The following GALNTL6 variants were observed in gnomAD, a reference collection of about 807,000 sequenced individuals.
The protein encoded by GALNTL6 is polypeptide N-acetylgalactosaminyltransferase-like 6.
Under a neutral mutation model 73.7 loss-of-function variants are expected in GALNTL6, and 46 were observed. The ratio of observed to expected loss-of-function variants is 0.62; its 90% CI spans 0.49 to 0.80. The LOEUF is 0.80. Ranked by LOEUF, GALNTL6 falls within the 30% of genes least tolerant of loss-of-function variation. The pLI is 0.00. For missense variants in GALNTL6, 604 were observed against 755.0 expected, an observed-to-expected ratio of 0.80 and a Z score of 2.34; for synonymous variants, 259 against 263.7, an observed-to-expected ratio of 0.98 and a Z score of 0.17.
chr4:171,987,360 A>G (rs111635160), intron 2 of GALNTL6, among the ~76,000 whole-genome samples: 14,765 of 152,180 alleles, frequency 0.097, 1,031 homozygotes, highest in African/African-American at 0.19. Flanking sequence ...AGGCTGGTCT[A>G]TTATCAGACT....
intron 3 of GALNTL6, among the ~76,000 whole-genome samples, chr4:172,232,607 G>A (rs1255307631): frequency 6.6e-6 from 1 of 151,996 alleles, no homozygotes; most frequent in Non-Finnish European, 1.5e-5. Context: ...GTCATGACAA[G>A]CTGCCAAAAT....
intron 2 of GALNTL6, among the ~76,000 whole-genome samples, chr4:172,138,477 CTATATATATATA>C (rs1414149880): frequency 0.028 from 247 of 8,688 alleles, 10 homozygotes; most frequent in Non-Finnish European, 0.038. Context: ...CTTGGACTGC[CTATATATATATA>C]TATATATATA....
At chr4:173,034,201 A>G (rs1417374721) in intron 12 of GALNTL6, among the ~76,000 whole-genome samples, 1 of 152,104 alleles carries the variant, frequency 6.6e-6, no homozygotes, top group Non-Finnish European at 1.5e-5. Flanking sequence ...TTTTTGCATC[A>G]GCTGAAATCT....
intron 5 of GALNTL6, among the ~76,000 whole-genome samples, chr4:172,604,539 CAA>C (rs781584672): frequency 9.9e-5 from 15 of 152,144 alleles, no homozygotes; most frequent in Non-Finnish European, 1.9e-4. Flanking sequence ...ATGGCGATCT[CAA>C]AGTCTTTGAA....
intron 7 of GALNTL6, among the ~76,000 whole-genome samples, chr4:172,872,815 C>T (rs909550409): frequency 6.6e-6 from 1 of 152,196 alleles, no homozygotes; most frequent in Non-Finnish European, 1.5e-5. Flanking sequence ...TAGTTACAGG[C>T]CTATCCCACC....
chr4:171,928,455 G>A (rs927761980), intron 2 of GALNTL6, among the ~76,000 whole-genome samples: 5 of 152,148 alleles, frequency 3.3e-5, no homozygotes, highest in South Asian at 2.1e-4. Flanking sequence ...CTGGCTTTCC[G>A]CCTAGGAAAT....
chr4:172,583,061 T>C (rs571458371), intron 5 of GALNTL6, among the ~76,000 whole-genome samples: 13 of 152,142 alleles, frequency 8.5e-5, no homozygotes, highest in Admixed American at 8.5e-4. Context: ...GAAAAACATA[T>C]CACTGGGCCT....
intron 5 of GALNTL6, among the ~76,000 whole-genome samples, chr4:172,616,465 A>C (rs572674908): frequency 2.7e-5 from 4 of 149,398 alleles, no homozygotes; most frequent in African/African-American, 9.9e-5. Flanking sequence ...GAGAAAAATA[A>C]TTTTTTTAAA....
At chr4:173,026,858 T>C (rs768259725) in intron 12 of GALNTL6, among the ~76,000 whole-genome samples, 9 of 152,172 alleles carry the variant, frequency 5.9e-5, no homozygotes, top group Non-Finnish European at 1.3e-4. Context: ...TTATGATTCG[T>C]GGGTTTTGTG....
At chr4:172,784,190 A>G (rs973806319) in intron 5 of GALNTL6, among the ~76,000 whole-genome samples, 21 of 152,150 alleles carry the variant, frequency 1.4e-4, no homozygotes, top group African/African-American at 4.3e-4. Flanking sequence ...CAGAAGTTTC[A>G]GTACATAACC....
intron 2 of GALNTL6, among the ~76,000 whole-genome samples, chr4:171,902,333 T>A (rs1464762120): frequency 1.3e-5 from 2 of 152,324 alleles, no homozygotes; most frequent in East Asian, 3.9e-4. Context: ...AATTCAGGTG[T>A]CTGCAAATTT....
intron 2 of GALNTL6, among the ~76,000 whole-genome samples, chr4:171,940,774 C>T (rs892180791): frequency 6.6e-5 from 10 of 151,050 alleles, no homozygotes; most frequent in East Asian, 3.9e-4. Context: ...GCCGGGATTG[C>T]GCCACTGCAC....
At chr4:172,147,796 C>T (rs1428591599) in intron 2 of GALNTL6, among the ~76,000 whole-genome samples, 1 of 152,084 alleles carries the variant, frequency 6.6e-6, no homozygotes, top group Non-Finnish European at 1.5e-5. Flanking sequence ...CAGAGAGTAA[C>T]TCTAAGAGCT....
chr4:172,686,601 A>G (rs1456137354), intron 5 of GALNTL6, among the ~76,000 whole-genome samples: 1 of 152,344 alleles, frequency 6.6e-6, no homozygotes, highest in African/African-American at 2.4e-5. Context: ...GGAAAACACT[A>G]TAGAAAAAGA....
chr4:172,809,383 A>G lies in GALNTL6; in HGVS notation c.576A>G (p.Glu192=), dbSNP rs770486969. Residue 192 remains glutamate (E), a synonymous_variant, in exon 6 of 13, where the codon GAA becomes GAG. Coordinates refer to ENST00000506823, the MANE Select transcript of GALNTL6 (RefSeq NM_001034845.3). This position sits in a 1 kb window ranked among gnomAD's most constrained non-coding sequence, Gnocchi z 4.4. The part of the protein sequence containing the change: ...SEREHLKDKL[E]EYMARFSKVR... ...TAGAACACCTGAAGGATAAATTGGA[A>G]GAATACATGGCCCGATTTTCCAAAG... is the stretch of plus-strand genomic sequence containing the variant. The G allele has an allele frequency of 1.2e-6, 2 of 1,613,818 alleles. No homozygotes were observed. Among genetic ancestry groups the G allele is most frequent in the Non-Finnish European group, 1.7e-6 (2 of 1,179,790 alleles).
At chr4:171,991,959 C>T (rs1185170609) in intron 2 of GALNTL6, among the ~76,000 whole-genome samples, 1 of 151,424 alleles carries the variant, frequency 6.6e-6, no homozygotes. Context: ...AATACAAGAC[C>T]AGCTCTTGAG....
intron 5 of GALNTL6, among the ~76,000 whole-genome samples, chr4:172,431,252 T>G (rs1731437763): frequency 6.6e-6 from 1 of 152,164 alleles, no homozygotes; most frequent in African/African-American, 2.4e-5. Flanking sequence ...TGAATTCAGC[T>G]ATTACTTACG....
chr4:172,124,482 A>G (rs1733241800), intron 2 of GALNTL6, among the ~76,000 whole-genome samples: 1 of 152,222 alleles, frequency 6.6e-6, no homozygotes, highest in African/African-American at 2.4e-5. Flanking sequence ...CTGTGAAATA[A>G]TAGTATTTCT....
chr4:171,890,419 C>T (rs918901357), intron 2 of GALNTL6, among the ~76,000 whole-genome samples: 10 of 152,044 alleles, frequency 6.6e-5, no homozygotes, highest in Admixed American at 1.3e-4. Flanking sequence ...AATTTTTATA[C>T]ACCTTCATTT....
Sources: gnomAD v4.1 joint callset for allele counts (sites outside exome capture counted in the v4.1 genomes callset) on GRCh38, gnomAD v4.1.1 for gene constraint, Gnocchi (gnomAD v3.1) non-coding constraint, MANE v1.5 for transcripts, NCBI Gene and HGNC (gene_info 2026-07-23, HGNC 2026-07-21) for gene names.